XDH: variants seen among roughly 807,000 people sequenced by gnomAD.
XDH encodes the protein xanthine dehydrogenase/oxidase.
XDH carries 138 observed loss-of-function variants against 156.1 expected under a neutral mutation model. The ratio of observed to expected loss-of-function variants is 0.88; its 90% confidence interval spans 0.77 to 1.02. XDH has a LOEUF of 1.02. XDH is among the 50% of genes least tolerant of loss of function. XDH has a pLI of 0.00. For missense variants in XDH, 1,849 were observed against 1,684.9 expected, an observed-to-expected ratio of 1.10 and a Z score of -1.71; for synonymous variants, 669 against 625.7, an observed-to-expected ratio of 1.07 and a Z score of -1.03.
chr2:31,350,849 A>C (rs1558680506), intron 24 of XDH, among the ~76,000 whole-genome samples: 1 of 152,234 alleles, frequency 6.6e-6, no homozygotes, highest in Non-Finnish European at 1.5e-5. Context: ...TGAAAGTTGT[A>C]CTGCAAATAG....
chr2:31,339,467 C>T (rs1685062597), intron 34 of XDH, 22 bp downstream of exon 34: 5 of 1,613,298 alleles, frequency 3.1e-6, no homozygotes, highest in East Asian at 2.2e-5. Context: ...GAAGAGACAG[C>T]ACAGAGCCAG....
intron 23 of XDH, among the ~76,000 whole-genome samples, chr2:31,365,034 C>T (rs1685870466): frequency 6.6e-6 from 1 of 152,208 alleles, no homozygotes. Context: ...AAAGTACATA[C>T]CCATCCTAAC....
At chr2:31,406,163 G>C (rs1227336143) in intron 1 of XDH, among the ~76,000 whole-genome samples, 199 bp from the exon 2 acceptor site, 1 of 152,188 alleles carries the variant, frequency 6.6e-6, no homozygotes, top group Non-Finnish European at 1.5e-5. Flanking sequence ...GAAGCAATAT[G>C]ATCATGGGGG....
At chr2:31,414,597 A>G (rs1220386071) in intron 1 of XDH, 28 bp downstream of exon 1, 1 of 1,614,012 alleles carries the variant, frequency 6.2e-7, no homozygotes, top group East Asian at 2.2e-5. Flanking sequence ...GAGAAGGGAC[A>G]CAAAACCAAA....
chr2:31,349,007 A>G (rs1299770626), intron 26 of XDH, 27 bp from the exon 27 acceptor site: 1 of 1,595,120 alleles, frequency 6.3e-7, no homozygotes, highest in Non-Finnish European at 8.6e-7. Context: ...ATTCTTATAG[A>G]ACCTTCGCTA....
At chr2:31,351,225 GT>G (rs1558680738) in intron 24 of XDH, among the ~76,000 whole-genome samples, 1 of 152,036 alleles carries the variant, frequency 6.6e-6, no homozygotes, top group Non-Finnish European at 1.5e-5. Context: ...GAACCATGTA[GT>G]TACATTACAA....
intron 1 of XDH, among the ~76,000 whole-genome samples, chr2:31,407,970 C>G (rs894213061): frequency 2.6e-5 from 4 of 152,150 alleles, no homozygotes; most frequent in Admixed American, 1.3e-4. Context: ...TTAAGAGCCT[C>G]TTAGCTTACC....
chr2:31,374,532 T>A (rs1390716398), intron 15 of XDH, among the ~76,000 whole-genome samples: 1 of 152,050 alleles, frequency 6.6e-6, no homozygotes, highest in Admixed American at 6.6e-5. Flanking sequence ...GACAGATAAA[T>A]GCAGGAAAAA....
intron 34 of XDH, 27 bp from the exon 35 acceptor site, chr2:31,337,844 G>A (rs1685009545): frequency 6.2e-7 from 1 of 1,609,940 alleles, no homozygotes; most frequent in Non-Finnish European, 8.5e-7. Flanking sequence ...CACAGGGCAG[G>A]GGCTCAGGCA....
intron 33 of XDH, among the ~76,000 whole-genome samples, chr2:31,340,435 CCT>C (rs1228726905): frequency 1.3e-5 from 2 of 152,002 alleles, no homozygotes; most frequent in Non-Finnish European, 1.5e-5. Context: ...CTTGATTCCT[CCT>C]CTGTTTTTTC....
chr2:31,396,090 G>A (rs1686896016), intron 6 of XDH, among the ~76,000 whole-genome samples: 1 of 152,188 alleles, frequency 6.6e-6, no homozygotes, highest in South Asian at 2.1e-4. Context: ...AGGCTCTGAA[G>A]AAACATCTCG....
At chr2:31,367,059 G>A (rs2148768190) in intron 20 of XDH, 65 bp from the exon 21 acceptor site, 2 of 1,612,784 alleles carry the variant, frequency 1.2e-6, no homozygotes, top group East Asian at 2.2e-5. Flanking sequence ...CTTGCCTAAG[G>A]AGAGAGTATA....
intron 31 of XDH, among the ~76,000 whole-genome samples, chr2:31,344,347 A>ATG (rs879378520): frequency 2.5e-4 from 38 of 152,288 alleles, no homozygotes; most frequent in Admixed American, 2.5e-3. Context: ...TGAGGGAGGA[A>ATG]TGGTTAGGTA....
At chr2:31,365,666 C>G (rs1287715122) in intron 22 of XDH, 122 bp from the exon 23 acceptor site, 3 of 1,210,654 alleles carry the variant, frequency 2.5e-6, no homozygotes, top group Non-Finnish European at 3.7e-6. Flanking sequence ...CAGACCTGTA[C>G]AGGGCTGCTT....
intron 24 of XDH, among the ~76,000 whole-genome samples, chr2:31,351,104 C>G (rs938874592): frequency 6.6e-6 from 1 of 151,866 alleles, no homozygotes; most frequent in Non-Finnish European, 1.5e-5. Flanking sequence ...TGGCTTAGCC[C>G]CCTCCCTCCA....
rs536950315 is a variant in XDH at position 31,368,122 on chromosome 2, T to G, written c.2101-65A>C. Reference sequence around the variant, plus strand: ...CAGGGAGGGAAAGATAGGTTCTGATTAGGGAAAGAGAAGCTCTCTGAATTG... The same window carrying G: ...CAGGGAGGGAAAGATAGGTTCTGATGAGGGAAAGAGAAGCTCTCTGAATTG... On this transcript the variant is annotated intron_variant, in intron 19 of 35. Transcript: ENST00000379416. 3.1e-4 allele frequency: 451 copies of G among 1,438,924 alleles called. 8 individuals carry two copies. The South Asian group carries it at 4.4e-3, about 14-fold the overall frequency. 89.1% of individuals were successfully genotyped at this position (1,438,924 alleles called of 1,614,324 possible).
intron 6 of XDH, among the ~76,000 whole-genome samples, chr2:31,393,996 A>G (rs1296995850): frequency 6.6e-6 from 1 of 152,030 alleles, no homozygotes; most frequent in Non-Finnish European, 1.5e-5. Context: ...GCACATATAT[A>G]TATACATATG....
chr2:31,397,165 G>C (rs1485685193), intron 6 of XDH, among the ~76,000 whole-genome samples: 1 of 152,190 alleles, frequency 6.6e-6, no homozygotes, highest in East Asian at 1.9e-4. Context: ...CTCACTCAGA[G>C]TTATATGAAC....
chr2:31,341,801 A>C (rs148009479), intron 32 of XDH, among the ~76,000 whole-genome samples: 410 of 152,356 alleles, frequency 2.7e-3, no homozygotes, highest in Middle Eastern at 3.4e-3. Flanking sequence ...CTGTAGGCTA[A>C]TAATTACATT....
Sources: allele counts gnomAD v4.1 joint callset (sites outside exome capture counted in the v4.1 genomes callset), GRCh38; gene constraint gnomAD v4.1.1; transcripts MANE v1.5; gene names NCBI Gene and HGNC (gene_info 2026-07-23, HGNC 2026-07-21).